Variants in XPNPEP1 observed in about 807,000 individuals in gnomAD.
XPNPEP1 encodes xaa-Pro aminopeptidase 1.
Under a neutral mutation model 92.4 loss-of-function variants are expected in XPNPEP1, and 39 were observed. The ratio of observed to expected loss-of-function variants is 0.42; its 90% CI spans 0.33 to 0.55. XPNPEP1 has a LOEUF of 0.55. Ranked by LOEUF, XPNPEP1 falls within the 20% of genes least tolerant of loss-of-function variation. The probability of loss-of-function intolerance (pLI) is 0.08; values close to 1 mark genes in which losing one functional copy is unlikely to be tolerated. For synonymous variants in XPNPEP1, 307 were observed against 299.4 expected, an observed-to-expected ratio of 1.03 and a Z score of -0.26; for missense variants, 654 against 856.1, an observed-to-expected ratio of 0.76 and a Z score of 2.95.
intron 7 of XPNPEP1, among the ~76,000 whole-genome samples, 173 bp downstream of exon 7, chr10:109,887,876 A>G (rs540275546): frequency 3.3e-5 from 5 of 152,404 alleles, no homozygotes; most frequent in African/African-American, 7.2e-5. Flanking sequence ...AGGTGGCAAC[A>G]GTGGAAACAA....
At chr10:109,897,756 C>T (rs966069707) in intron 3 of XPNPEP1, among the ~76,000 whole-genome samples, 3 of 151,834 alleles carry the variant, frequency 2.0e-5, no homozygotes, top group Admixed American at 6.6e-5. Flanking sequence ...CAGGTTCACG[C>T]GATTCTCATG....
chr10:109,897,732 C>A (rs2133474370), intron 3 of XPNPEP1, among the ~76,000 whole-genome samples: 1 of 151,738 alleles, frequency 6.6e-6, no homozygotes, highest in African/African-American at 2.4e-5. Context: ...AGGCTCACTA[C>A]AACCTCCACC....
At chr10:109,904,830 G>A (rs967260976) in intron 3 of XPNPEP1, among the ~76,000 whole-genome samples, 7 of 152,168 alleles carry the variant, frequency 4.6e-5, no homozygotes, top group Non-Finnish European at 1.0e-4. Flanking sequence ...AATAGTACAG[G>A]TGCTGCAGAA....
intron 15 of XPNPEP1, among the ~76,000 whole-genome samples, chr10:109,874,038 T>C (rs2133369198): frequency 6.6e-6 from 1 of 152,300 alleles, no homozygotes; most frequent in East Asian, 1.9e-4. Flanking sequence ...ATGAAAATGT[T>C]CTAAAATTGA....
At position 109,884,117 on chromosome 10, in the gene XPNPEP1, C is replaced by T. The variant is rs1242607316; in HGVS notation, c.780G>A (p.Glu260=). The part of the protein sequence containing the change: ...WLFNLRGSDV[E]HNPVFFSYAI... ...CGTAGGAGAAAAATACTGGATTGTG[C>T]TCCACATCTGATCCTCGGAGATTAA... is the stretch of plus-strand genomic sequence containing the variant. Residue 260 remains glutamate (E), a synonymous_variant, in exon 9 of 21, where the codon GAG becomes GAA. Coordinates refer to ENST00000502935, the MANE Select transcript of XPNPEP1 (RefSeq NM_020383.4). 1 of 1,613,980 alleles carries T rather than the reference C, an allele frequency of 6.2e-7. No homozygotes were observed. The highest frequency in any genetic ancestry group is 1.3e-5 in the African/African-American group (1 of 74,932).
chr10:109,889,059 C>T (rs1848562378), intron 5 of XPNPEP1, among the ~76,000 whole-genome samples: 2 of 152,216 alleles, frequency 1.3e-5, no homozygotes, highest in Admixed American at 6.5e-5. Context: ...GCCCGCCCCT[C>T]ATCTGCAAGG....
intron 3 of XPNPEP1, 98 bp downstream of exon 3, chr10:109,907,593 T>C (rs1732964954): frequency 6.4e-7 from 1 of 1,556,198 alleles, no homozygotes; most frequent in East Asian, 2.3e-5. Flanking sequence ...GGCTTGGTTG[T>C]GGCCCTGGTT....
intron 3 of XPNPEP1, among the ~76,000 whole-genome samples, chr10:109,898,035 T>C (rs1849077565): frequency 6.6e-6 from 1 of 152,186 alleles, no homozygotes; most frequent in Non-Finnish European, 1.5e-5. Flanking sequence ...TGTACACATC[T>C]AGTCTCACAA....
chr10:109,923,511 G>C lies in XPNPEP1; in HGVS notation c.-78C>G, dbSNP rs571998377. 13 of 1,195,368 alleles carry C rather than the reference G, an allele frequency of 1.1e-5. No individual in the cohort carries two copies. The Admixed American group carries it at 5.1e-4, about 47-fold the overall frequency. The allele number at this position is 1,195,368 out of a possible 1,614,324, so 74.0% of individuals were successfully genotyped here. A position where few individuals can be genotyped will look rare whatever the true frequency, so the allele number is the denominator to read the frequency against. ...CCCGCGGAAGGGCCGGCGCGAAGGA[G>C]GCGCGAGAGCCGGCGGGCGGGCGGG... On this transcript the variant is annotated 5_prime_UTR_variant, in exon 1 of 21. Transcript: ENST00000502935.
intron 17 of XPNPEP1, 186 bp from the exon 18 acceptor site, chr10:109,871,090 C>T: frequency 1.6e-6 from 1 of 620,458 alleles, no homozygotes; most frequent in South Asian, 2.7e-5. Flanking sequence ...AGAGCTCAGT[C>T]TGAAGCTAGG....
chr10:109,922,834 C>A (rs1850623137), intron 1 of XPNPEP1, among the ~76,000 whole-genome samples: 1 of 152,214 alleles, frequency 6.6e-6, no homozygotes, highest in Non-Finnish European at 1.5e-5. Flanking sequence ...CCAGGGCAGG[C>A]TACTGGGGGG....
intron 8 of XPNPEP1, among the ~76,000 whole-genome samples, 176 bp downstream of exon 8, chr10:109,886,070 T>A (rs1463216830): frequency 6.6e-6 from 1 of 152,180 alleles, no homozygotes; most frequent in Admixed American, 6.5e-5. Context: ...CCTCCCCAGC[T>A]CCCTGTAATT....
Position 109,893,047 on chromosome 10 carries a change from C to G in XPNPEP1, c.275G>C (p.Arg92Pro), listed in dbSNP as rs1257325783. Residue 92 changes from arginine to proline, a missense_variant, in exon 4 of 21, where the codon CGG becomes CCG. By Grantham distance (103) the Arg-to-Pro change is moderately radical. Coordinates refer to ENST00000502935, the MANE Select transcript of XPNPEP1 (RefSeq NM_020383.4). ...QSEYIAPCDC[R>P]RAFVSGFDGS... ...ATCGAATCCAGAGACAAAAGCCCGCCGACAGTCACATGGAGCAATATACTC... is the reference window on the plus strand; with the variant it reads ...ATCGAATCCAGAGACAAAAGCCCGCGGACAGTCACATGGAGCAATATACTC... 1 of 1,613,656 alleles carries G rather than the reference C, an allele frequency of 6.2e-7. No individual in the cohort carries two copies. Among genetic ancestry groups the G allele is most frequent in the Non-Finnish European group, 8.5e-7 (1 of 1,179,888 alleles).
In XPNPEP1 at chr10:109,916,103, G is replaced by A. The variant is rs562962792; in HGVS notation, c.33-1004C>T. 3.3e-5 allele frequency among the ~76,000 whole-genome samples: 5 copies of A among 152,280 alleles called. No homozygotes were observed. The South Asian group carries it at 1.0e-3, about 32-fold the overall frequency. On this transcript the variant is annotated intron_variant, in intron 1 of 20. Coordinates refer to ENST00000502935, the MANE Select transcript of XPNPEP1 (RefSeq NM_020383.4). Reference sequence around the variant, plus strand: ...ACACAATACGTCAAGTAATAAGAACGTGTTTTGTGAAAAAAAGTAAAGCAC... The same window carrying A: ...ACACAATACGTCAAGTAATAAGAACATGTTTTGTGAAAAAAAGTAAAGCAC...
Position 109,888,394 on chromosome 10 carries a change from G to A in XPNPEP1, c.508+109C>T, listed in dbSNP as rs192610270. The stretch of plus-strand genomic sequence containing the variant: ...CACCCTGACCTCTACTATAAAATCA[G>A]TCATGCTGAGCCCCCCAGTGCTCCA... On this transcript the variant is annotated intron_variant, in intron 6 of 20. Transcript: ENST00000502935. 1.6e-4 allele frequency: 200 copies of A among 1,274,378 alleles called. No homozygotes were observed. In the African/African-American group the frequency reaches 2.9e-3, roughly 18 times the overall value. The allele number at this position is 1,274,378 out of a possible 1,614,324, so 78.9% of individuals were successfully genotyped here. A position where few individuals can be genotyped will look rare whatever the true frequency, so the allele number is the denominator to read the frequency against.
chr10:109,873,492 C>A, intron 15 of XPNPEP1, 65 bp from the exon 16 acceptor site: 1 of 1,600,102 alleles, frequency 6.2e-7, no homozygotes, highest in Non-Finnish European at 8.6e-7. Flanking sequence ...ATGACACAGG[C>A]AAGCATGTGG....
At chr10:109,865,358 T>A (rs1288938809) in intron 20 of XPNPEP1, 46 bp from the exon 21 acceptor site, 5 of 1,611,840 alleles carry the variant, frequency 3.1e-6, no homozygotes, top group Non-Finnish European at 4.2e-6. Flanking sequence ...ACTACATCTT[T>A]AACAACTGGC....
chr10:109,903,046 A>T (rs1162236267), intron 3 of XPNPEP1, among the ~76,000 whole-genome samples: 2 of 152,166 alleles, frequency 1.3e-5, no homozygotes, highest in Non-Finnish European at 2.9e-5. Flanking sequence ...CCAAACAAAC[A>T]AAAAAAGCTG....
rs767587828 is a variant in XPNPEP1 at position 109,882,513 on chromosome 10, G to T, written c.960C>A (p.Ala320=). 9 of 1,614,092 alleles carry T rather than the reference G, an allele frequency of 5.6e-6. No individual in the cohort carries two copies. In the African/African-American group the frequency reaches 8.0e-5, roughly 14 times the overall value. Residue 320 remains alanine, a synonymous_variant, in exon 10 of 21, where the codon GCC becomes GCA. Transcript: ENST00000502935. ...CCCTTGGGGAGAGGTCAGCACACAG[G>T]GCCTTGAGCTCGCTCAGGATGGACT... is the stretch of plus-strand genomic sequence containing the variant. ...PYKSILSELK[A]LCADLSPREK...
Sources: gnomAD v4.1 joint callset for allele counts (sites outside exome capture counted in the v4.1 genomes callset) on GRCh38, gnomAD v4.1.1 for gene constraint, MANE v1.5 for transcripts, NCBI Gene and HGNC (gene_info 2026-07-23, HGNC 2026-07-21) for gene names.